The following SGCE variants were observed in gnomAD, a reference collection of about 807,000 sequenced individuals.
SGCE encodes epsilon-sarcoglycan.
In SGCE, 26 loss-of-function variants were observed where a neutral mutation model predicts 57.8. The ratio of observed to expected loss-of-function variants is 0.45; its 90% CI spans 0.33 to 0.62. The LOEUF (loss-of-function observed/expected upper bound fraction) is 0.62, where lower values mean the gene tolerates loss of function less well. Among genes scored for constraint, SGCE ranks in the 20% least tolerant of loss-of-function variants. The probability of loss-of-function intolerance (pLI) is 0.02; values close to 1 mark genes in which losing one functional copy is unlikely to be tolerated. For missense variants in SGCE, 468 were observed against 548.6 expected, an observed-to-expected ratio of 0.85 and a Z score of 1.47; for synonymous variants, 183 against 189.5, an observed-to-expected ratio of 0.97 and a Z score of 0.28.
intron 10 of SGCE, chr7:94,587,906 C>A: frequency 1.4e-6 from 2 of 1,477,028 alleles, no homozygotes; most frequent in Admixed American, 2.8e-5. Flanking sequence ...AAGAGACTTA[C>A]TTAATAGTTT....
intron 9 of SGCE, chr7:94,594,471 C>T (rs959398058): frequency 6.6e-6 from 1 of 151,864 alleles, no homozygotes; most frequent in African/African-American, 2.4e-5. Context: ...TCATGGGACA[C>T]AAGAAAGGTC....
rs758224788 is a variant in SGCE at position 94,624,537 on chromosome 7, A to C, written c.391-1140T>G. ...CATATTTAATTATTTCCTTGCTGTTATCTGTTGGGACACATGATCAATTAA... is the reference window on the plus strand; with the variant it reads ...CATATTTAATTATTTCCTTGCTGTTCTCTGTTGGGACACATGATCAATTAA... On this transcript the variant is annotated intron_variant, in intron 3 of 10. Coordinates refer to ENST00000648936, the MANE Select transcript of SGCE (RefSeq NM_003919.3). The C allele has an allele frequency of 2.8e-4, 74 of 261,070 alleles. 1 individual carries two copies. The highest frequency in any genetic ancestry group is 1.5e-3 in the South Asian group (9 of 5,840). The allele number at this position is 261,070 out of a possible 1,614,324, so 16.2% of individuals were successfully genotyped here.
chr7:94,634,510 A>C (rs1350368919), intron 1 of SGCE, among the ~76,000 whole-genome samples: 1 of 152,118 alleles, frequency 6.6e-6, no homozygotes, highest in Non-Finnish European at 1.5e-5. Flanking sequence ...TCTCATTGCT[A>C]TCAGTATGTT....
intron 9 of SGCE, among the ~76,000 whole-genome samples, chr7:94,593,204 T>G (rs1030849871): frequency 6.6e-6 from 1 of 152,130 alleles, no homozygotes; most frequent in Admixed American, 6.6e-5. Context: ...TTTATACTTG[T>G]TAATTTTCAA....
intron 1 of SGCE, among the ~76,000 whole-genome samples, chr7:94,649,116 T>C (rs1807533524): frequency 6.6e-6 from 1 of 152,236 alleles, no homozygotes. Context: ...GCCAAAGATC[T>C]ATTCCAAAAA....
chr7:94,644,737 C>T (rs903010070), intron 1 of SGCE: 173 of 629,564 alleles, frequency 2.7e-4, no homozygotes, highest in Admixed American at 2.3e-4. Context: ...CATCCCTTCC[C>T]TTCTCTTACC....
intron 3 of SGCE, 57 bp from the exon 4 acceptor site, chr7:94,623,454 TC>T: frequency 9.3e-7 from 1 of 1,070,244 alleles, no homozygotes; most frequent in Non-Finnish European, 1.4e-6. Flanking sequence ...AAAATGAAAT[TC>T]ATTAAGGATT....
intron 5 of SGCE, among the ~76,000 whole-genome samples, chr7:94,609,803 G>GT (rs1800722919): frequency 6.6e-6 from 1 of 152,138 alleles, no homozygotes; most frequent in Non-Finnish European, 1.5e-5. Flanking sequence ...CAGCTTGGCA[G>GT]TTTCTTACAA....
chr7:94,639,355 G>A, intron 1 of SGCE: 1 of 1,532,130 alleles, frequency 6.5e-7, no homozygotes, highest in Non-Finnish European at 8.7e-7. Context: ...TTTCATCCCA[G>A]CAGCCATTTT....
In SGCE at chr7:94,585,276, T is replaced by C; in HGVS notation, c.*223A>G. The C allele has an allele frequency of 6.2e-6, 3 of 484,466 alleles. No individual in the cohort carries two copies. Among genetic ancestry groups the C allele is most frequent in the Non-Finnish European group, 3.7e-6 (1 of 271,574 alleles). 30.0% of individuals were successfully genotyped at this position (484,466 alleles called of 1,614,324 possible). A position where few individuals can be genotyped will look rare whatever the true frequency, so the allele number is the denominator to read the frequency against. Reference sequence around the variant, plus strand: ...AAAGATCAACTTTTATTGTAACAAATATAAAGTCATCAATGTTTTACAAAT... The same window carrying C: ...AAAGATCAACTTTTATTGTAACAAACATAAAGTCATCAATGTTTTACAAAT... On this transcript the variant is annotated 3_prime_UTR_variant, in exon 11 of 11. Coordinates refer to ENST00000648936, the MANE Select transcript of SGCE (RefSeq NM_003919.3).
At chr7:94,639,737 TAATA>T (rs1275895502) in intron 1 of SGCE, among the ~76,000 whole-genome samples, 4 of 152,176 alleles carry the variant, frequency 2.6e-5, no homozygotes, top group Non-Finnish European at 5.9e-5. Context: ...CACACATATA[TAATA>T]AATCATACTA....
chr7:94,613,215 A>T (rs996805271), intron 5 of SGCE, among the ~76,000 whole-genome samples: 2 of 152,232 alleles, frequency 1.3e-5, no homozygotes, highest in African/African-American at 4.8e-5. Context: ...CTTCTTTTGT[A>T]GAATCACTAA....
At chr7:94,619,601 C>T (rs992257900) in intron 4 of SGCE, 1 of 152,220 alleles carries the variant, frequency 6.6e-6, no homozygotes, top group Non-Finnish European at 1.5e-5. Context: ...AATTACAAAT[C>T]ATCACTCTCT....
chr7:94,640,329 A>T (rs1562886890), intron 1 of SGCE, among the ~76,000 whole-genome samples: 1 of 152,184 alleles, frequency 6.6e-6, no homozygotes, highest in Non-Finnish European at 1.5e-5. Flanking sequence ...CCCTAGTGTG[A>T]TTCCTTAAAG....
At chr7:94,628,168 ATG>A in intron 3 of SGCE, 32 bp downstream of exon 3, 5 of 1,533,214 alleles carry the variant, frequency 3.3e-6, no homozygotes, top group Non-Finnish European at 4.5e-6. Context: ...ACACACATAT[ATG>A]TATAGTTTTG....
At chr7:94,646,998 T>C (rs922321275) in intron 1 of SGCE, among the ~76,000 whole-genome samples, 14 of 152,362 alleles carry the variant, frequency 9.2e-5, no homozygotes, top group African/African-American at 2.9e-4. Flanking sequence ...TGTCTTTCCA[T>C]ATTCTATGTG....
intron 1 of SGCE, among the ~76,000 whole-genome samples, chr7:94,635,650 A>AT (rs893833023): frequency 7.9e-5 from 12 of 152,146 alleles, no homozygotes; most frequent in Non-Finnish European, 1.5e-4. Context: ...TTTCTAATTT[A>AT]TTTTTTTAAC....
At chr7:94,590,218 C>G (rs1797485506) in intron 9 of SGCE, among the ~76,000 whole-genome samples, 2 of 152,150 alleles carry the variant, frequency 1.3e-5, no homozygotes, top group African/African-American at 2.4e-5. Flanking sequence ...AGGTATTACT[C>G]TTATAGTTTA....
chr7:94,626,717 A>G (rs1306463264), intron 3 of SGCE: 1 of 151,912 alleles, frequency 6.6e-6, no homozygotes, highest in Non-Finnish European at 1.5e-5. Flanking sequence ...GGGACCTCCA[A>G]TACATTCTGT....
Sources: allele counts gnomAD v4.1 joint callset (sites outside exome capture counted in the v4.1 genomes callset), GRCh38; gene constraint gnomAD v4.1.1; transcripts MANE v1.5; gene names NCBI Gene and HGNC (gene_info 2026-07-23, HGNC 2026-07-21).